Variants in SORCS1 observed in about 807,000 individuals in gnomAD.
The protein encoded by SORCS1 is VPS10 domain-containing receptor SorCS1.
SORCS1 carries 60 observed loss-of-function variants against 146.1 expected under a neutral mutation model. That is an observed-to-expected ratio of 0.41 (90% confidence interval 0.33 to 0.51). The LOEUF is 0.51. SORCS1 is among the 20% of genes least tolerant of loss of function. The probability of loss-of-function intolerance (pLI) is 0.21; values close to 1 mark genes in which losing one functional copy is unlikely to be tolerated. For missense variants in SORCS1, 1,352 were observed against 1,487.6 expected, an observed-to-expected ratio of 0.91 and a Z score of 1.50; for synonymous variants, 637 against 584.0, an observed-to-expected ratio of 1.09 and a Z score of -1.31.
chr10:106,663,271 A>T (rs1013759661), intron 17 of SORCS1, among the ~76,000 whole-genome samples: 2 of 152,220 alleles, frequency 1.3e-5, no homozygotes, highest in African/African-American at 4.8e-5. Flanking sequence ...AAAGGAAAAT[A>T]GAAGAACAAT....
intron 24 of SORCS1, among the ~76,000 whole-genome samples, chr10:106,581,722 A>G (rs1192489322): frequency 1.3e-5 from 2 of 152,186 alleles, no homozygotes; most frequent in Non-Finnish European, 2.9e-5. Context: ...GATTATTTTG[A>G]AATAAATCTT....
the SORCS1 span, among the ~76,000 whole-genome samples, chr10:107,176,370 G>A: frequency 2.8e-5 from 4 of 141,256 alleles, no homozygotes; most frequent in African/African-American, 7.9e-5. Flanking sequence ...CTTTCCTGTC[G>A]CCCAGGTTAG....
In SORCS1 at chr10:106,698,857, C is replaced by T. The variant is rs570895685; in HGVS notation, c.1413+357G>A. Among the ~76,000 whole-genome samples, 6 of 152,176 alleles carry T rather than the reference C, an allele frequency of 3.9e-5. No individual in the cohort carries two copies. The East Asian group carries it at 1.2e-3, about 30-fold the overall frequency. On this transcript the variant is annotated intron_variant, in intron 9 of 25. Coordinates refer to ENST00000263054, the MANE Select transcript of SORCS1 (RefSeq NM_052918.5). ...TCTTCTGAGAGACAAGGGAGTGCATCCACCATCCCTTTACTCACAGCCCTG... is the reference window on the plus strand; with the variant it reads ...TCTTCTGAGAGACAAGGGAGTGCATTCACCATCCCTTTACTCACAGCCCTG...
At chr10:106,991,945 T>C (rs1054485537) in intron 1 of SORCS1, among the ~76,000 whole-genome samples, 5 of 152,246 alleles carry the variant, frequency 3.3e-5, no homozygotes, top group African/African-American at 4.8e-5. Context: ...TTTTGGATCT[T>C]TTTTATCTCC....
At chr10:106,832,212 G>A (rs1350904732) in intron 2 of SORCS1, among the ~76,000 whole-genome samples, 24 of 137,580 alleles carry the variant, frequency 1.7e-4, no homozygotes, top group Non-Finnish European at 2.8e-4. Context: ...TTTTTGAGAC[G>A]GAGTCTCACT....
intron 24 of SORCS1, among the ~76,000 whole-genome samples, chr10:106,590,789 G>T (rs1046929197): frequency 1.3e-5 from 2 of 152,054 alleles, no homozygotes; most frequent in African/African-American, 4.8e-5. Flanking sequence ...CGAGTAGCTG[G>T]GGCTACAGGT....
At chr10:106,617,929 T>C (rs1005614093) in intron 21 of SORCS1, among the ~76,000 whole-genome samples, 2 of 152,234 alleles carry the variant, frequency 1.3e-5, no homozygotes, top group African/African-American at 4.8e-5. Context: ...ATAGTCACTC[T>C]ACCTCTAAGA....
chr10:107,097,114 T>C (rs1964593839), intron 1 of SORCS1, among the ~76,000 whole-genome samples: 1 of 152,168 alleles, frequency 6.6e-6, no homozygotes, highest in Non-Finnish European at 1.5e-5. Flanking sequence ...GAATGCAAGG[T>C]TCTGGGAAAT....
At chr10:106,917,177 C>T (rs955066120) in intron 2 of SORCS1, among the ~76,000 whole-genome samples, 1 of 152,214 alleles carries the variant, frequency 6.6e-6, no homozygotes, top group African/African-American at 2.4e-5. Context: ...TCTCTCAGGG[C>T]AGCTCTAATT....
rs536717253 is a variant in SORCS1 at position 106,979,769 on chromosome 10, C to G, written c.559-23189G>C. 1.3e-4 allele frequency among the ~76,000 whole-genome samples: 20 copies of G among 152,296 alleles called. No individual in the cohort carries two copies. In the South Asian group the frequency reaches 3.9e-3, roughly 30 times the overall value. ...CATTTAAGTTTGTTTAGGCTGATTT[C>G]AATGAATACGCTATGGAGTCAGACT... On this transcript the variant is annotated intron_variant, in intron 1 of 25. Coordinates refer to ENST00000263054, the MANE Select transcript of SORCS1 (RefSeq NM_052918.5).
chr10:106,713,151 A>G (rs1446554200), intron 6 of SORCS1, among the ~76,000 whole-genome samples: 1 of 151,938 alleles, frequency 6.6e-6, no homozygotes, highest in Non-Finnish European at 1.5e-5. Flanking sequence ...TCTTACAGTC[A>G]AGCTTATATA....
chr10:107,080,404 T>C (rs1363408804), intron 1 of SORCS1, among the ~76,000 whole-genome samples: 6 of 152,212 alleles, frequency 3.9e-5, no homozygotes, highest in Non-Finnish European at 8.8e-5. Context: ...GAAGGGACTG[T>C]GAACACTAAC....
chr10:107,164,336 C>G lies in SORCS1; in HGVS notation c.191G>C (p.Arg64Thr), dbSNP rs761161542. ...GAGGGGCAGGGGCGTGGCAGGAGCCCTGCCTGGCCGCCCCTGGTGGGAAAA... is the reference window on the plus strand; with the variant it reads ...GAGGGGCAGGGGCGTGGCAGGAGCCGTGCCTGGCCGCCCCTGGTGGGAAAA... ...RGFSHQGRPG[R>T]APATPLPLVV... Residue 64 changes from arginine (R) to threonine (T), a missense_variant, in exon 1 of 26, where the codon AGG (arginine) becomes ACG (threonine). Coordinates refer to ENST00000263054, the MANE Select transcript of SORCS1 (RefSeq NM_052918.5). The surrounding 1 kb of genome is among the most constrained non-coding windows in gnomAD (Gnocchi z 6.8). The G allele has an allele frequency of 6.5e-7, 1 of 1,539,582 alleles. No homozygotes were observed. The highest frequency in any genetic ancestry group is 8.7e-7 in the Non-Finnish European group (1 of 1,145,518).
intron 1 of SORCS1, among the ~76,000 whole-genome samples, chr10:107,135,235 C>T (rs1967186889): frequency 1.3e-5 from 2 of 152,154 alleles, no homozygotes; most frequent in African/African-American, 4.8e-5. Context: ...GCATTATTCA[C>T]ATATGTGCCT....
At chr10:107,149,309 T>A (rs985222668) in intron 1 of SORCS1, among the ~76,000 whole-genome samples, 1 of 152,224 alleles carries the variant, frequency 6.6e-6, no homozygotes, top group Non-Finnish European at 1.5e-5. Context: ...CTGTCTCCAG[T>A]TGGCAAGGCA....
intron 2 of SORCS1, among the ~76,000 whole-genome samples, chr10:106,865,210 T>C (rs1295467279): frequency 2.6e-5 from 4 of 152,098 alleles, no homozygotes; most frequent in Non-Finnish European, 5.9e-5. Context: ...CTTCACTGTG[T>C]GGGGCCTCCC....
intron 9 of SORCS1, among the ~76,000 whole-genome samples, chr10:106,697,276 A>G (rs370419871): frequency 1.6e-3 from 237 of 152,214 alleles, no homozygotes; most frequent in African/African-American, 5.2e-3. Flanking sequence ...CAGCCTGGCC[A>G]ATATGGTGAA....
chr10:106,688,165 G>A, intron 10 of SORCS1, 27 bp downstream of exon 10: 1 of 1,608,346 alleles, frequency 6.2e-7, no homozygotes, highest in Non-Finnish European at 8.5e-7. Context: ...ACTGTGTGAG[G>A]CATTCTGCTT....
intron 3 of SORCS1, among the ~76,000 whole-genome samples, chr10:106,791,603 G>A (rs1441022116): frequency 6.6e-6 from 1 of 152,160 alleles, no homozygotes; most frequent in Non-Finnish European, 1.5e-5. Flanking sequence ...GGAGGCTAAG[G>A]CAGGAGAATC....
Sources: allele counts gnomAD v4.1 joint callset (sites outside exome capture counted in the v4.1 genomes callset), GRCh38; gene constraint gnomAD v4.1.1; non-coding constraint Gnocchi (gnomAD v3.1); transcripts MANE v1.5; gene names NCBI Gene and HGNC (gene_info 2026-07-23, HGNC 2026-07-21).